The following SPOCK1 variants were observed in gnomAD, a reference collection of about 807,000 sequenced individuals.
The protein encoded by SPOCK1 is testican-1.
Under a neutral mutation model 55.3 loss-of-function variants are expected in SPOCK1, and 23 were observed. The ratio of observed to expected loss-of-function variants is 0.42; its 90% CI spans 0.30 to 0.59. The LOEUF (loss-of-function observed/expected upper bound fraction) is 0.59, where lower values mean the gene tolerates loss of function less well. SPOCK1 is among the 20% of genes least tolerant of loss of function. The pLI, the probability that SPOCK1 is intolerant of heterozygous loss-of-function variation, is 0.22. For synonymous variants in SPOCK1, 226 were observed against 221.0 expected (o/e 1.02, Z -0.20); for missense variants, 499 against 552.5 (o/e 0.90, Z 0.97).
At chr5:137,104,392 T>G (rs963228961) in intron 5 of SPOCK1, among the ~76,000 whole-genome samples, 2 of 152,182 alleles carry the variant, frequency 1.3e-5, no homozygotes, top group Non-Finnish European at 2.9e-5. Context: ...TTAAACCTCT[T>G]TTTTAAAAAT....
chr5:137,193,232 G>A (rs1755221087), intron 3 of SPOCK1, among the ~76,000 whole-genome samples: 1 of 152,146 alleles, frequency 6.6e-6, no homozygotes. Flanking sequence ...GGTAGAGGAA[G>A]GGGTAGACCA....
intron 5 of SPOCK1, among the ~76,000 whole-genome samples, chr5:137,084,166 ATG>A (rs951386012): frequency 4.9e-4 from 74 of 152,150 alleles, no homozygotes; most frequent in African/African-American, 1.7e-3. Context: ...TCAGGAAGCT[ATG>A]GCTGTTATGT....
At chr5:137,007,194 T>C (rs1046743061) in intron 6 of SPOCK1, among the ~76,000 whole-genome samples, 1 of 151,896 alleles carries the variant, frequency 6.6e-6, no homozygotes, top group South Asian at 2.1e-4. Context: ...AACCCTAGAA[T>C]AAAACCTAGG....
chr5:137,377,942 CTTTTTTTTTTT>C (rs3043282), intron 2 of SPOCK1, among the ~76,000 whole-genome samples: 6 of 104,622 alleles, frequency 5.7e-5, no homozygotes, highest in African/African-American at 1.4e-4. Context: ...TCACTTCTTC[CTTTTTTTTTTT>C]TTTTTTTTTT....
chr5:137,203,779 G>A (rs1044925623), intron 3 of SPOCK1, among the ~76,000 whole-genome samples: 13 of 152,214 alleles, frequency 8.5e-5, no homozygotes, highest in South Asian at 4.2e-4. Flanking sequence ...GCTTTCTAAC[G>A]TTGCACATGT....
At chr5:137,175,090 A>C (rs951106991) in intron 3 of SPOCK1, among the ~76,000 whole-genome samples, 3 of 152,250 alleles carry the variant, frequency 2.0e-5, no homozygotes, top group Admixed American at 2.0e-4. Flanking sequence ...CTATAAAAAG[A>C]AAGGTGCCAA....
intron 3 of SPOCK1, among the ~76,000 whole-genome samples, chr5:137,252,980 C>T (rs1756565861): frequency 6.6e-6 from 1 of 152,194 alleles, no homozygotes; most frequent in South Asian, 2.1e-4. Context: ...AAGACAATGA[C>T]TTCCTATGCC....
intron 3 of SPOCK1, among the ~76,000 whole-genome samples, chr5:137,179,760 C>T (rs1026435286): frequency 1.4e-4 from 22 of 152,134 alleles, no homozygotes; most frequent in Non-Finnish European, 7.3e-5. Context: ...AGACTTGGGG[C>T]AGTCCCCTGA....
At position 136,977,541 on chromosome 5, in the gene SPOCK1, G is replaced by A. The variant is rs906838324; in HGVS notation, c.*1113C>T. 3 of 359,000 alleles carry A rather than the reference G, an allele frequency of 8.4e-6. No homozygotes were observed. The highest frequency in any genetic ancestry group is 6.3e-5 in the African/African-American group (3 of 47,868). The allele number at this position is 359,000 out of a possible 1,614,324, so 22.2% of individuals were successfully genotyped here. A position where few individuals can be genotyped will look rare whatever the true frequency, so the allele number is the denominator to read the frequency against. The stretch of plus-strand genomic sequence containing the variant: ...TTTTCTTCTTTTAAGGAACACCATG[G>A]TACTCTCAGAGAACAGGAGATATGT... On this transcript the variant is annotated 3_prime_UTR_variant, in exon 11 of 11. Coordinates refer to ENST00000394945, the MANE Select transcript of SPOCK1 (RefSeq NM_004598.4).
chr5:137,009,296 T>C (rs7710057), intron 6 of SPOCK1, among the ~76,000 whole-genome samples: 5,858 of 152,266 alleles, frequency 0.038, 392 homozygotes, highest in African/African-American at 0.13. Flanking sequence ...ACAGCATTAT[T>C]TGAAATAGCA....
intron 3 of SPOCK1, among the ~76,000 whole-genome samples, chr5:137,170,845 C>T (rs991592737): frequency 3.3e-5 from 5 of 152,126 alleles, no homozygotes; most frequent in African/African-American, 7.2e-5. Context: ...CCACTGTTAT[C>T]ATTTTAAAGA....
intron 6 of SPOCK1, among the ~76,000 whole-genome samples, chr5:137,046,353 T>C (rs1365127268): frequency 6.8e-6 from 1 of 147,266 alleles, no homozygotes; most frequent in African/African-American, 2.5e-5. Context: ...CTTGAAGAGG[T>C]CCTTCACATC....
chr5:137,239,836 G>T (rs1436347463), intron 3 of SPOCK1, among the ~76,000 whole-genome samples: 1 of 151,986 alleles, frequency 6.6e-6, no homozygotes, highest in African/African-American at 2.4e-5. Flanking sequence ...AGCCTAAAAA[G>T]GTATAAAAAT....
At chr5:137,004,759 T>C (rs1751213716) in intron 6 of SPOCK1, among the ~76,000 whole-genome samples, 1 of 152,086 alleles carries the variant, frequency 6.6e-6, no homozygotes, top group South Asian at 2.1e-4. Context: ...GCTTGAACAG[T>C]ACAACAGAAG....
chr5:137,449,914 A>G (rs13187397), intron 2 of SPOCK1, among the ~76,000 whole-genome samples: 90 of 129,122 alleles, frequency 7.0e-4, no homozygotes, highest in African/African-American at 1.3e-3. Flanking sequence ...AAAAAAAAAA[A>G]AAAGAAAGAA....
intron 2 of SPOCK1, among the ~76,000 whole-genome samples, chr5:137,411,942 A>C (rs1335416597): frequency 2.0e-5 from 3 of 152,226 alleles, no homozygotes; most frequent in Non-Finnish European, 2.9e-5. Flanking sequence ...CCTACGCAGT[A>C]AAGAAAAGGT....
intron 2 of SPOCK1, among the ~76,000 whole-genome samples, chr5:137,497,157 T>C (rs373310566): frequency 2.0e-4 from 31 of 152,174 alleles, no homozygotes; most frequent in African/African-American, 7.0e-4. Flanking sequence ...AGAGCAGAGC[T>C]TAGAGGAGTC....
chr5:137,322,218 A>G (rs1343923678), intron 2 of SPOCK1, among the ~76,000 whole-genome samples: 1 of 152,128 alleles, frequency 6.6e-6, no homozygotes, highest in African/African-American at 2.4e-5. Context: ...CTGTAGTCCC[A>G]GCTACTCAGG....
chr5:137,204,875 A>G (rs1755492689), intron 3 of SPOCK1, among the ~76,000 whole-genome samples: 1 of 152,132 alleles, frequency 6.6e-6, no homozygotes, highest in South Asian at 2.1e-4. Flanking sequence ...CTTCTCGAGC[A>G]TGCTTAGCTT....
Sources: gnomAD v4.1 joint callset for allele counts (sites outside exome capture counted in the v4.1 genomes callset) on GRCh38, gnomAD v4.1.1 for gene constraint, MANE v1.5 for transcripts, NCBI Gene and HGNC (gene_info 2026-07-23, HGNC 2026-07-21) for gene names.